Variants in CDK14 observed in about 807,000 individuals in gnomAD.
The protein encoded by CDK14 is cyclin dependent kinase 14.
Under a neutral mutation model 60.7 loss-of-function variants are expected in CDK14, and 34 were observed. The observed-to-expected ratio is 0.56, with a 90% CI of 0.43 to 0.75. The LOEUF (loss-of-function observed/expected upper bound fraction) is 0.75. CDK14 is among the 30% of genes least tolerant of loss of function. CDK14 has a pLI of 0.00. For synonymous variants in CDK14, 197 were observed against 203.7 expected, an observed-to-expected ratio of 0.97 and a Z score of 0.28; for missense variants, 482 against 564.1, an observed-to-expected ratio of 0.85 and a Z score of 1.47.
At chr7:90,740,253 GTATA>G (rs113753789) in intron 3 of CDK14, among the ~76,000 whole-genome samples, 56 of 145,338 alleles carry the variant, frequency 3.9e-4, no homozygotes, top group South Asian at 4.4e-4. Flanking sequence ...ATGTGTGTGT[GTATA>G]TATATATATA....
At chr7:90,953,703 A>G (rs1030221545) in intron 8 of CDK14, among the ~76,000 whole-genome samples, 2 of 152,112 alleles carry the variant, frequency 1.3e-5, no homozygotes, top group Non-Finnish European at 1.5e-5. Flanking sequence ...GCTTTCTGAC[A>G]ACAGGGCCTC....
At chr7:90,928,698 C>T (rs557212147) in intron 8 of CDK14, among the ~76,000 whole-genome samples, 23 of 152,274 alleles carry the variant, frequency 1.5e-4, no homozygotes, top group Non-Finnish European at 2.4e-4. Context: ...GCAGTCTGTC[C>T]GTTCTCAGAT....
chr7:91,106,044 A>C (rs79206142), intron 12 of CDK14, among the ~76,000 whole-genome samples: 8,416 of 152,284 alleles, frequency 0.055, 334 homozygotes, highest in Middle Eastern at 0.13. Context: ...ATGAGATCGC[A>C]TTGCATCCAA....
intron 10 of CDK14, among the ~76,000 whole-genome samples, chr7:91,029,406 G>A (rs1250019427): frequency 6.6e-6 from 1 of 151,886 alleles, no homozygotes; most frequent in African/African-American, 2.4e-5. Flanking sequence ...GATTGCTTTG[G>A]GCAGTGTGGT....
intron 9 of CDK14, among the ~76,000 whole-genome samples, chr7:90,957,279 G>T (rs950497449): frequency 9.2e-5 from 14 of 152,078 alleles, no homozygotes; most frequent in African/African-American, 3.4e-4. Flanking sequence ...AGCACCTGTT[G>T]TTTCCTGACT....
chr7:91,110,199 T>A (rs1388419590), intron 12 of CDK14, among the ~76,000 whole-genome samples: 1 of 152,104 alleles, frequency 6.6e-6, no homozygotes, highest in Non-Finnish European at 1.5e-5. Flanking sequence ...ATGTAGAGAC[T>A]TAAAATGAAA....
intron 9 of CDK14, among the ~76,000 whole-genome samples, 156 bp from the exon 10 acceptor site, chr7:90,983,992 C>T (rs1053808876): frequency 1.4e-4 from 22 of 152,128 alleles, no homozygotes; most frequent in East Asian, 1.9e-4. Context: ...CAAACCTGCA[C>T]GTGTACCCCT....
chr7:90,828,236 G>A (rs1789791106), intron 5 of CDK14, among the ~76,000 whole-genome samples: 4 of 152,114 alleles, frequency 2.6e-5, no homozygotes, highest in African/African-American at 7.2e-5. Flanking sequence ...GTTATATAAC[G>A]TGGTTTAGGT....
At chr7:90,989,252 T>C (rs1584203820) in intron 10 of CDK14, among the ~76,000 whole-genome samples, 1 of 152,248 alleles carries the variant, frequency 6.6e-6, no homozygotes, top group South Asian at 2.1e-4. Context: ...TTGTAGAATG[T>C]AAGGGAAAGC....
intron 2 of CDK14, among the ~76,000 whole-genome samples, chr7:90,686,276 T>C (rs886880404): frequency 6.6e-6 from 1 of 152,214 alleles, no homozygotes; most frequent in Non-Finnish European, 1.5e-5. Flanking sequence ...TTTCCAAATA[T>C]TGAGTCATTT....
At chr7:90,984,364 A>G in intron 10 of CDK14, 123 bp downstream of exon 10, 1 of 681,096 alleles carries the variant, frequency 1.5e-6, no homozygotes. Context: ...TTTGGTTCTA[A>G]CATATTTTGG....
rs574661739 is a variant in CDK14, at chr7:90,724,733, G to A, written c.124-1834G>A. ...CCTTATCTTTTAGTTTCTATTTTAA[G>A]TAATTTGATTTCAACGTGCCCTTAC... On this transcript the variant is annotated intron_variant, in intron 2 of 14. Coordinates refer to ENST00000380050, the MANE Select transcript of CDK14 (RefSeq NM_001287135.2). Among the ~76,000 whole-genome samples, 8 of 151,826 alleles carry A rather than the reference G, an allele frequency of 5.3e-5. No individual in the cohort carries two copies. The East Asian group carries it at 1.5e-3, about 29-fold the overall frequency.
chr7:91,051,874 T>G (rs1158870637), intron 11 of CDK14, among the ~76,000 whole-genome samples: 1 of 152,198 alleles, frequency 6.6e-6, no homozygotes, highest in Non-Finnish European at 1.5e-5. Flanking sequence ...CATATGTCTC[T>G]GCTAAAGTGA....
chr7:90,832,741 G>A (rs1789953408), intron 5 of CDK14, among the ~76,000 whole-genome samples: 1 of 152,148 alleles, frequency 6.6e-6, no homozygotes, highest in Non-Finnish European at 1.5e-5. Context: ...CATGTGTGTG[G>A]GCCGGAGGTC....
chr7:91,019,968 T>C (rs1796394149), intron 10 of CDK14, among the ~76,000 whole-genome samples: 2 of 152,080 alleles, frequency 1.3e-5, no homozygotes, highest in African/African-American at 4.8e-5. Flanking sequence ...TTGATCAAGG[T>C]TGGCTGACTC....
chr7:90,767,854 C>T lies in CDK14; in HGVS notation c.464+20079C>T, dbSNP rs1277968618. ...CTTGAGCCTCCACCTGAGGTATATC[C>T]CCAGCTCTTGCTGTGAATGTAGTTA... On this transcript the variant is annotated intron_variant, in intron 4 of 14. Coordinates refer to ENST00000380050, the MANE Select transcript of CDK14 (RefSeq NM_001287135.2). Among the ~76,000 whole-genome samples the T allele has an allele frequency of 1.3e-5, 2 of 152,024 alleles. 1 individual carries two copies. Among genetic ancestry groups the T allele is most frequent in the South Asian group, 4.2e-4 (2 of 4,806 alleles).
chr7:91,197,401 CAAA>C (rs11344173), intron 14 of CDK14, among the ~76,000 whole-genome samples: 22 of 120,144 alleles, frequency 1.8e-4, no homozygotes, highest in Admixed American at 2.5e-4. Context: ...GACTCTGTCT[CAAA>C]AAAAAAAAAA....
At chr7:90,853,739 A>C (rs927241039) in intron 5 of CDK14, among the ~76,000 whole-genome samples, 3 of 152,172 alleles carry the variant, frequency 2.0e-5, no homozygotes, top group African/African-American at 4.8e-5. Context: ...AGTAGATGTT[A>C]AATAAATATG....
chr7:91,165,893 T>A (rs892097509), intron 14 of CDK14, among the ~76,000 whole-genome samples: 1 of 152,248 alleles, frequency 6.6e-6, no homozygotes, highest in Admixed American at 6.5e-5. Flanking sequence ...GTATTTTCTG[T>A]GCTAAATTTT....
Sources: allele counts gnomAD v4.1 joint callset (sites outside exome capture counted in the v4.1 genomes callset), GRCh38; gene constraint gnomAD v4.1.1; transcripts MANE v1.5; gene names NCBI Gene and HGNC (gene_info 2026-07-23, HGNC 2026-07-21).